Variants in GRIN2A observed in about 807,000 individuals in gnomAD.
GRIN2A encodes the protein glutamate ionotropic receptor NMDA type subunit 2A, also known as glutamate receptor ionotropic, NMDA 2A.
GRIN2A carries 22 observed loss-of-function variants against 113.4 expected under a neutral mutation model. The observed-to-expected ratio is 0.19, with a 90% CI of 0.14 to 0.28. The LOEUF (loss-of-function observed/expected upper bound fraction) is 0.28, where lower values mean the gene tolerates loss of function less well. Among genes scored for constraint, GRIN2A ranks in the 10% least tolerant of loss-of-function variants. The pLI, the probability that GRIN2A is intolerant of heterozygous loss-of-function variation, is 1.00. For missense variants in GRIN2A, 1,502 were observed against 1,887.0 expected, an observed-to-expected ratio of 0.80 and a Z score of 3.78; for synonymous variants, 827 against 738.4, an observed-to-expected ratio of 1.12 and a Z score of -1.94.
At chr16:10,135,258 A>G (rs902733949) in intron 2 of GRIN2A, among the ~76,000 whole-genome samples, 10 of 152,198 alleles carry the variant, frequency 6.6e-5, no homozygotes, top group African/African-American at 2.2e-4. Context: ...TCCAGTTTTC[A>G]ATAACATTTC....
chr16:10,112,036 C>T, intron 2 of GRIN2A: 1 of 629,040 alleles, frequency 1.6e-6, no homozygotes, highest in Non-Finnish European at 2.9e-6. Context: ...GAGCTAGTGG[C>T]CATCGTCTCC....
At chr16:9,926,427 C>T (rs1291930135) in intron 3 of GRIN2A, among the ~76,000 whole-genome samples, 1 of 152,298 alleles carries the variant, frequency 6.6e-6, no homozygotes, top group East Asian at 1.9e-4. Flanking sequence ...ATTTCACCTG[C>T]AGCTTTAAGT....
At chr16:9,849,361 A>G (rs909017619) in intron 5 of GRIN2A, among the ~76,000 whole-genome samples, 4 of 151,738 alleles carry the variant, frequency 2.6e-5, no homozygotes, top group South Asian at 2.1e-4. Context: ...ATTAAATTAA[A>G]CTAGAAAGAC....
intron 3 of GRIN2A, among the ~76,000 whole-genome samples, chr16:9,917,657 C>A (rs948609993): frequency 6.6e-6 from 1 of 152,190 alleles, no homozygotes; most frequent in African/African-American, 2.4e-5. Context: ...AATATGTTAA[C>A]ATCTCACTCT....
intron 10 of GRIN2A, 23 bp from the exon 11 acceptor site, chr16:9,798,487 G>C (rs1465065197): frequency 1.2e-5 from 19 of 1,606,922 alleles, no homozygotes; most frequent in Non-Finnish European, 1.6e-5. Context: ...GAAACCAGGG[G>C]GTCATAGGGG....
chr16:9,927,373 C>T (rs1415740446), intron 3 of GRIN2A, among the ~76,000 whole-genome samples: 1 of 152,118 alleles, frequency 6.6e-6, no homozygotes, highest in Non-Finnish European at 1.5e-5. Flanking sequence ...GGTACATGAC[C>T]TAATTTGGCC....
chr16:10,022,499 A>T (rs1186696401), intron 2 of GRIN2A, among the ~76,000 whole-genome samples: 1 of 152,200 alleles, frequency 6.6e-6, no homozygotes, highest in African/African-American at 2.4e-5. Flanking sequence ...CACTGATGCT[A>T]GTTTCATTTT....
chr16:9,764,424 C>T lies in GRIN2A; in HGVS notation c.3120G>A (p.Glu1040=). The T allele has an allele frequency of 6.2e-7, 1 of 1,614,040 alleles. No homozygotes were observed. ...GGCTCTTTAGGGAGTGGGTCCTATT[C>T]TCTGCTGTTGCCTCATCCCTCTGGG... The part of the protein sequence containing the change: ...PVSQRDEATA[E]NRTHSLKSPR... The change falls in exon 13 of 13, where the codon GAG becomes GAA. Residue 1040 remains glutamate (E), a synonymous_variant. Transcript: ENST00000330684.
intron 2 of GRIN2A, among the ~76,000 whole-genome samples, chr16:10,169,557 G>C (rs1280917092): frequency 2.0e-5 from 3 of 152,108 alleles, no homozygotes; most frequent in Admixed American, 2.0e-4. Context: ...TTGAATGCTA[G>C]GAGGTGAAGG....
At chr16:10,028,206 C>G (rs193196823) in intron 2 of GRIN2A, among the ~76,000 whole-genome samples, 17 of 152,340 alleles carry the variant, frequency 1.1e-4, no homozygotes, top group Admixed American at 9.8e-4. Context: ...GTGCCCATTT[C>G]AAAGACGAGC....
chr16:9,894,971 G>A (rs527746169), intron 3 of GRIN2A, among the ~76,000 whole-genome samples: 48 of 151,944 alleles, frequency 3.2e-4, no homozygotes, highest in Admixed American at 1.1e-3. Flanking sequence ...CCATCTATCC[G>A]TCAATACATT....
chr16:9,902,049 G>C (rs2043939059), intron 3 of GRIN2A, among the ~76,000 whole-genome samples: 1 of 151,880 alleles, frequency 6.6e-6, no homozygotes, highest in Non-Finnish European at 1.5e-5. Flanking sequence ...AGAAAACAGA[G>C]GTGGGTTTTA....
chr16:10,126,724 A>G (rs1005111962), intron 2 of GRIN2A, among the ~76,000 whole-genome samples: 7 of 152,102 alleles, frequency 4.6e-5, no homozygotes, highest in African/African-American at 1.7e-4. Flanking sequence ...TTATTGCTGG[A>G]ACTCCCTGAA....
intron 2 of GRIN2A, among the ~76,000 whole-genome samples, chr16:10,110,500 A>G (rs961422122): frequency 1.3e-5 from 2 of 152,264 alleles, no homozygotes; most frequent in Non-Finnish European, 1.5e-5. Context: ...TGGAAGAGAG[A>G]TACCAATGAG....
At chr16:9,824,212 C>T (rs2042343222) in intron 9 of GRIN2A, among the ~76,000 whole-genome samples, 2 of 152,172 alleles carry the variant, frequency 1.3e-5, no homozygotes, top group Admixed American at 6.5e-5. Flanking sequence ...GTGTGCCTTG[C>T]CCTGGGAGTA....
At chr16:10,140,774 G>T (rs925167948) in intron 2 of GRIN2A, among the ~76,000 whole-genome samples, 1 of 152,158 alleles carries the variant, frequency 6.6e-6, no homozygotes, top group Non-Finnish European at 1.5e-5. Flanking sequence ...CTGATGAAGC[G>T]ACCAGGAAGT....
intron 2 of GRIN2A, among the ~76,000 whole-genome samples, chr16:10,091,457 T>TACACACAC (rs35961930): frequency 2.7e-5 from 4 of 145,834 alleles, no homozygotes; most frequent in African/African-American, 1.0e-4. Context: ...TGTGTGTGTA[T>TACACACAC]ACACACACAC....
chr16:10,074,008 T>C (rs1249105055), intron 2 of GRIN2A, among the ~76,000 whole-genome samples: 1 of 151,182 alleles, frequency 6.6e-6, no homozygotes, highest in Non-Finnish European at 1.5e-5. Flanking sequence ...CCAGGGTACA[T>C]AGAGAACACT....
chr16:10,177,283 C>T (rs553206910), intron 2 of GRIN2A, among the ~76,000 whole-genome samples: 1 of 152,176 alleles, frequency 6.6e-6, no homozygotes, highest in African/African-American at 2.4e-5. Flanking sequence ...ACCTTTTAAA[C>T]CAACTTCTCT....
Sources: gnomAD v4.1 joint callset for allele counts (sites outside exome capture counted in the v4.1 genomes callset) on GRCh38, gnomAD v4.1.1 for gene constraint, MANE v1.5 for transcripts, NCBI Gene and HGNC (gene_info 2026-07-23, HGNC 2026-07-21) for gene names.